Variants in DNAH8 observed in about 807,000 individuals in gnomAD.
The protein encoded by DNAH8 is dynein axonemal heavy chain 8.
DNAH8 carries 382 observed loss-of-function variants against 562.1 expected under a neutral mutation model. The ratio of observed to expected loss-of-function variants is 0.68; its 90% CI spans 0.63 to 0.74. The LOEUF (loss-of-function observed/expected upper bound fraction) is 0.74, where lower values mean the gene tolerates loss of function less well. Among genes scored for constraint, DNAH8 ranks in the 30% least tolerant of loss-of-function variants. DNAH8 has a pLI of 0.00. For missense variants in DNAH8, 5,203 were observed against 5,620.4 expected (o/e 0.93, Z 2.37); for synonymous variants, 1,881 against 1,919.4 (o/e 0.98, Z 0.52).
At chr6:38,983,887 C>T (rs527300597) in intron 86 of DNAH8, among the ~76,000 whole-genome samples, 7 of 152,292 alleles carry the variant, frequency 4.6e-5, no homozygotes, top group African/African-American at 1.7e-4. Context: ...TCCTCTGTAA[C>T]AGCTTGGCAT....
intron 57 of DNAH8, among the ~76,000 whole-genome samples, chr6:38,887,383 A>G (rs1779006785): frequency 6.6e-6 from 1 of 152,250 alleles, no homozygotes; most frequent in African/African-American, 2.4e-5. Flanking sequence ...GATTCTTGAC[A>G]TCAAATGTAA....
At chr6:38,742,573 A>G (rs1781721) in intron 8 of DNAH8, among the ~76,000 whole-genome samples, 9,196 of 152,254 alleles carry the variant, frequency 0.06, 319 homozygotes, top group South Asian at 0.11. Flanking sequence ...AAGTGCTGGG[A>G]TTACAGGCGT....
intron 79 of DNAH8, among the ~76,000 whole-genome samples, chr6:38,942,111 A>T (rs558798416): frequency 2.0e-5 from 3 of 152,226 alleles, no homozygotes; most frequent in African/African-American, 7.2e-5. Flanking sequence ...CAGGGTCTTG[A>T]TCTTGGACTC....
intron 7 of DNAH8, among the ~76,000 whole-genome samples, chr6:38,739,325 C>T (rs762465928): frequency 6.6e-6 from 1 of 152,058 alleles, no homozygotes; most frequent in Non-Finnish European, 1.5e-5. Flanking sequence ...CTAGCTATCC[C>T]CAGTGACTAT....
chr6:39,016,564 A>C (rs920629169), intron 91 of DNAH8, among the ~76,000 whole-genome samples: 25 of 152,090 alleles, frequency 1.6e-4, no homozygotes, highest in African/African-American at 6.0e-4. Context: ...AAAAAAAAAA[A>C]AGAAAAAAGC....
intron 24 of DNAH8, among the ~76,000 whole-genome samples, chr6:38,812,968 A>G (rs528854301): frequency 3.3e-5 from 5 of 152,310 alleles, no homozygotes; most frequent in Non-Finnish European, 7.3e-5. Flanking sequence ...TAATCTATGG[A>G]AAGTGGCTGG....
chr6:38,893,616 A>G (rs182125436), intron 58 of DNAH8, among the ~76,000 whole-genome samples: 240 of 152,334 alleles, frequency 1.6e-3, no homozygotes, highest in Non-Finnish European at 2.9e-3. Context: ...TTAGTTTGCA[A>G]TGGAACTGAG....
intron 21 of DNAH8, among the ~76,000 whole-genome samples, 155 bp from the exon 22 acceptor site, chr6:38,803,024 T>G (rs969635254): frequency 2.0e-5 from 3 of 152,250 alleles, no homozygotes; most frequent in Admixed American, 6.5e-5. Context: ...CCATTGACAA[T>G]TTTGAATCTG....
chr6:38,894,838 C>G lies in DNAH8; in HGVS notation c.8721C>G (p.His2907Gln), dbSNP rs564511128. The change falls in exon 59 of 93, where the codon CAC (histidine) becomes CAG (glutamine). Residue 2907 changes from histidine (H) to glutamine (Q), a missense_variant. His to Gln is a conservative substitution (Grantham distance 24, BLOSUM62 0). Transcript: ENST00000327475. ...SIPTLLSLFK[H>Q]ECSRVIADRF... ...CTACTCTCCTGTCCCTTTTCAAACA[C>G]GAGTGCAGCAGAGTAATTGCAGACA... 6.2e-7 allele frequency: 1 copy of G among 1,613,910 alleles called. No homozygotes were observed. The highest frequency in any genetic ancestry group is 1.7e-5 in the Admixed American group (1 of 59,994).
At chr6:38,729,698 A>G (rs1171838006) in intron 3 of DNAH8, among the ~76,000 whole-genome samples, 1 of 152,180 alleles carries the variant, frequency 6.6e-6, no homozygotes, top group Non-Finnish European at 1.5e-5. Flanking sequence ...CCAAAACTAT[A>G]TATGTAGGTC....
At chr6:38,991,702 C>T (rs1486763596) in intron 88 of DNAH8, among the ~76,000 whole-genome samples, 1 of 152,196 alleles carries the variant, frequency 6.6e-6, no homozygotes, top group Non-Finnish European at 1.5e-5. Flanking sequence ...GCTCCTGTTA[C>T]TCAGGCCAGA....
intron 82 of DNAH8, among the ~76,000 whole-genome samples, chr6:38,959,239 A>G (rs1011058294): frequency 2.0e-5 from 3 of 152,212 alleles, no homozygotes; most frequent in Admixed American, 1.3e-4. Context: ...GCCTACTTTC[A>G]CCACTTCTGT....
chr6:38,852,722 T>C lies in DNAH8; in HGVS notation c.5495T>C (p.Ile1832Thr). Residue 1832 changes from isoleucine to threonine, a missense_variant, in exon 40 of 93, where the codon ATC becomes ACC. Physicochemically the swap from Ile to Thr is moderately conservative, Grantham distance 89. This residue lies in a region of DNAH8 where 2,176 missense variants were observed against 2,365.1 expected (regional missense o/e 0.92). Coordinates refer to ENST00000327475, the MANE Select transcript of DNAH8 (RefSeq NM_001206927.2). Reference sequence around the variant, plus strand: ...CATCTCCCTGCAGTATCTGACAACATCAATGAGGTGACATTTCATGCAAAA... The same window carrying C: ...CATCTCCCTGCAGTATCTGACAACACCAATGAGGTGACATTTCATGCAAAA... ...QPHLPAVSDN[I>T]NEVTFHAKDY... is the part of the protein sequence containing the mutation. The C allele has an allele frequency of 2.5e-6, 4 of 1,613,810 alleles. No homozygotes were observed. Among genetic ancestry groups the C allele is most frequent in the Non-Finnish European group, 3.4e-6 (4 of 1,179,794 alleles).
At chr6:38,778,563 A>G (rs1266761277) in intron 14 of DNAH8, 99 bp downstream of exon 14, 2 of 718,612 alleles carry the variant, frequency 2.8e-6, no homozygotes, top group Non-Finnish European at 4.7e-6. Context: ...TCTGTCCTAC[A>G]TAAACCTTAA....
At chr6:38,805,212 G>A (rs1488777326) in intron 22 of DNAH8, among the ~76,000 whole-genome samples, 1 of 152,132 alleles carries the variant, frequency 6.6e-6, no homozygotes, top group Non-Finnish European at 1.5e-5. Context: ...AAGATAATAG[G>A]TAAAACTCTC....
intron 37 of DNAH8, 81 bp downstream of exon 37, chr6:38,848,882 CAT>C: frequency 7.2e-7 from 1 of 1,395,492 alleles, no homozygotes; most frequent in African/African-American, 1.4e-5. Flanking sequence ...TTCACAAAGA[CAT>C]ATGGTCAAGG....
At chr6:38,894,966 T>G (rs1472163538) in intron 59 of DNAH8, 102 bp downstream of exon 59, 14 of 1,232,654 alleles carry the variant, frequency 1.1e-5, no homozygotes, top group African/African-American at 1.5e-5. Flanking sequence ...TTTGCTCTTG[T>G]TGCCCAGGCT....
At chr6:38,818,536 G>GAAAAAAAAAAAAAAAAAA (rs1562891460) in intron 26 of DNAH8, among the ~76,000 whole-genome samples, 1 of 17,218 alleles carries the variant, frequency 5.8e-5, no homozygotes, top group South Asian at 1.6e-3. Context: ...AAAAGCAAAA[G>GAAAAAAAAAAAAAAAAAA]CAAAAAAAAA....
At chr6:38,838,435 G>A (rs953307366) in intron 33 of DNAH8, among the ~76,000 whole-genome samples, 1 of 141,118 alleles carries the variant, frequency 7.1e-6, no homozygotes, top group African/African-American at 2.7e-5. Flanking sequence ...GTCTCGCTCT[G>A]TTGCCCAGGC....
Sources: allele counts gnomAD v4.1 joint callset (sites outside exome capture counted in the v4.1 genomes callset), GRCh38; gene constraint gnomAD v4.1.1; regional missense constraint gnomAD v4.1.1; transcripts MANE v1.5; gene names NCBI Gene and HGNC (gene_info 2026-07-23, HGNC 2026-07-21).